Variants in NASP observed in about 807,000 individuals in gnomAD.
NASP encodes nuclear autoantigenic sperm protein, also known as NASP histone chaperone.
In NASP, 24 loss-of-function variants were observed where a neutral mutation model predicts 89.5. The ratio of observed to expected loss-of-function variants is 0.27; its 90% confidence interval spans 0.19 to 0.38. The LOEUF (loss-of-function observed/expected upper bound fraction) is 0.38. NASP is among the 10% of genes least tolerant of loss of function. NASP has a pLI of 1.00. For synonymous variants in NASP, 306 were observed against 324.7 expected (o/e 0.94, Z 0.62); for missense variants, 848 against 921.4 (o/e 0.92, Z 1.03).
chr1:45,607,634 A>G lies in NASP; in HGVS notation c.723A>G (p.Glu241=), dbSNP rs895593178. 1.2e-6 allele frequency: 2 copies of G among 1,614,096 alleles called. No homozygotes were observed. Among genetic ancestry groups the G allele is most frequent in the African/African-American group, 2.7e-5 (2 of 74,940 alleles). The change falls in exon 6 of 15, where the codon GAA becomes GAG. Residue 241 remains glutamate (E), a synonymous_variant. Transcript: ENST00000350030. ...KPEQEVPDAE[E]EKSVSGTDVQ... ...AACAGGAAGTACCAGATGCTGAGGAAGAAAAATCAGTTTCTGGAACTGATG... is the reference window on the plus strand; with the variant it reads ...AACAGGAAGTACCAGATGCTGAGGAGGAAAAATCAGTTTCTGGAACTGATG...
intron 2 of NASP, among the ~76,000 whole-genome samples, chr1:45,593,179 A>G (rs1257653524): frequency 6.6e-6 from 1 of 152,196 alleles, no homozygotes; most frequent in African/African-American, 2.4e-5. Context: ...GTTGTTGGCC[A>G]AAGATTCATT....
intron 2 of NASP, among the ~76,000 whole-genome samples, chr1:45,595,129 T>TTTTG (rs1423142685): frequency 1.4e-4 from 16 of 111,868 alleles, no homozygotes; most frequent in African/African-American, 5.2e-4. Context: ...AGACTAAGTT[T>TTTTG]TGTGTGTGTG....
chr1:45,584,135 CT>C lies in NASP; in HGVS notation c.-11del. On this transcript the variant is annotated 5_prime_UTR_variant, in exon 1 of 15. Coordinates refer to ENST00000350030, the MANE Select transcript of NASP (RefSeq NM_002482.4). Reference sequence around the variant, plus strand: ...TCTATTCCGTTCGCTGGTTCGCCACCTCAGGGGAACGATGGCCATGGAGTCC... The same window carrying C: ...TCTATTCCGTTCGCTGGTTCGCCACCCAGGGGAACGATGGCCATGGAGTCC... The C allele has an allele frequency of 6.3e-7, 1 of 1,588,330 alleles. No individual in the cohort carries two copies.
At chr1:45,594,923 G>C (rs1392437778) in intron 2 of NASP, 2 of 277,802 alleles carry the variant, frequency 7.2e-6, no homozygotes, top group Non-Finnish European at 1.5e-5. Context: ...TTTTAGTTTT[G>C]ATTGGCAGTT....
intron 6 of NASP, chr1:45,612,394 T>TAAACA (rs1644030850): frequency 6.6e-6 from 1 of 152,320 alleles, no homozygotes; most frequent in Admixed American, 6.5e-5. Context: ...ATGAGTTGTT[T>TAAACA]GTGTTAACAG....
In NASP at chr1:45,615,007, T is replaced by C. The variant is rs775274021; in HGVS notation, c.1667-6T>C. On this transcript the variant is annotated splice_region_variant and splice_polypyrimidine_tract_variant and intron_variant, in intron 9 of 14. Transcript: ENST00000350030. ...ATTTACTTGCTCTTCTTTTTCTCTT[T>C]GTTAGAAAACTATGTGCAAGCTGTG... 16 of 1,605,548 alleles carry C rather than the reference T, an allele frequency of 1.0e-5. No homozygotes were observed. Among genetic ancestry groups the C allele is most frequent in the Non-Finnish European group, 1.3e-5 (15 of 1,176,454 alleles).
intron 13 of NASP, 73 bp downstream of exon 13, chr1:45,616,776 C>T (rs1481454418): frequency 6.5e-6 from 9 of 1,378,338 alleles, no homozygotes; most frequent in Non-Finnish European, 9.3e-6. Context: ...CTATAAACCC[C>T]TCCCTATAGT....
rs1643910615 is a variant in NASP, at chr1:45,606,511, T to G, written c.329T>G (p.Leu110Trp). ...RMENGVLGNA[L>W]EGVHVEEEEG... ...GAGAATGGTGTGTTGGGAAACGCCTTGGAAGGTGTGCATGTGGAAGAGGAA... is the reference window on the plus strand; with the variant it reads ...GAGAATGGTGTGTTGGGAAACGCCTGGGAAGGTGTGCATGTGGAAGAGGAA... Residue 110 changes from leucine to tryptophan, a missense_variant, in exon 5 of 15, where the codon TTG becomes TGG. Transcript: ENST00000350030. 1.9e-6 allele frequency: 3 copies of G among 1,613,996 alleles called. No homozygotes were observed. The African/African-American group carries it at 4.0e-5, about 22-fold the overall frequency.
intron 1 of NASP, among the ~76,000 whole-genome samples, chr1:45,584,972 T>A (rs1277031620): frequency 6.6e-6 from 1 of 152,158 alleles, no homozygotes; most frequent in Non-Finnish European, 1.5e-5. Flanking sequence ...GGTGTCTGTT[T>A]GGGGGGAACA....
chr1:45,601,597 G>A (rs58692133), intron 2 of NASP, among the ~76,000 whole-genome samples: 27,981 of 151,782 alleles, frequency 0.18, 2,946 homozygotes, highest in Non-Finnish European at 0.24. Flanking sequence ...TTACCTAAAT[G>A]CTTCTTAATT....
At chr1:45,606,650 G>C (rs1252509256) in intron 5 of NASP, 59 bp downstream of exon 5, 3 of 1,227,034 alleles carry the variant, frequency 2.4e-6, no homozygotes, top group Non-Finnish European at 3.6e-6. Flanking sequence ...CTTGTATACA[G>C]TGGTGGAAAC....
chr1:45,591,651 T>A (rs1303213063), intron 2 of NASP, among the ~76,000 whole-genome samples: 1 of 152,058 alleles, frequency 6.6e-6, no homozygotes, highest in African/African-American at 2.4e-5. Context: ...ACCAGGCCCG[T>A]CTCACCTCCT....
At chr1:45,616,808 T>C in intron 13 of NASP, 105 bp downstream of exon 13, 1 of 1,082,516 alleles carries the variant, frequency 9.2e-7, no homozygotes, top group Non-Finnish European at 1.4e-6. Flanking sequence ...AGACACTTAT[T>C]TTCCAAAGGT....
At chr1:45,597,149 A>G (rs927751065) in intron 2 of NASP, among the ~76,000 whole-genome samples, 1 of 151,922 alleles carries the variant, frequency 6.6e-6, no homozygotes, top group Non-Finnish European at 1.5e-5. Context: ...TCTACTAAAA[A>G]TACAAAAATT....
At chr1:45,602,805 G>A (rs1320372666) in intron 3 of NASP, among the ~76,000 whole-genome samples, 1 of 152,132 alleles carries the variant, frequency 6.6e-6, no homozygotes, top group African/African-American at 2.4e-5. Context: ...ATTTCTTTTG[G>A]TAGAGATGGG....
chr1:45,607,923 G>A lies in NASP; in HGVS notation c.1012G>A (p.Val338Ile). ...AVLEQLVGQE[V>I]PPAEESPEVT... is the part of the protein sequence containing the mutation. ...TCTTGAACAACTGGTAGGTCAAGAA[G>A]TACCACCTGCTGAAGAGTCACCAGA... is the stretch of plus-strand genomic sequence containing the variant. The change falls in exon 6 of 15, where the codon GTA becomes ATA. Residue 338 changes from valine to isoleucine, a missense_variant. Coordinates refer to ENST00000350030, the MANE Select transcript of NASP (RefSeq NM_002482.4). 5.6e-6 allele frequency: 9 copies of A among 1,614,192 alleles called. No individual in the cohort carries two copies. The highest frequency in any genetic ancestry group is 7.6e-6 in the Non-Finnish European group (9 of 1,180,034).
At chr1:45,617,635 T>A in intron 14 of NASP, 44 bp downstream of exon 14, 1 of 1,531,786 alleles carries the variant, frequency 6.5e-7, no homozygotes. Context: ...CATTCCTTGT[T>A]CTCAGGACCT....
intron 14 of NASP, among the ~76,000 whole-genome samples, chr1:45,617,856 C>A (rs929745016): frequency 1.4e-4 from 21 of 152,214 alleles, no homozygotes; most frequent in African/African-American, 5.1e-4. Flanking sequence ...TAGGTCACTT[C>A]CTTCCACGTG....
Position 45,617,577 on chromosome 1 carries a change from A to G in NASP, c.2272A>G (p.Asn758Asp). The G allele has an allele frequency of 6.3e-7, 1 of 1,593,986 alleles. No homozygotes were observed. Among genetic ancestry groups the G allele is most frequent in the East Asian group, 2.2e-5 (1 of 44,742 alleles). Residue 758 changes from asparagine to aspartate, a missense_variant, in exon 14 of 15, where the codon AAC becomes GAC. Asn to Asp is a conservative substitution (Grantham distance 23). This residue lies in a region of NASP where 218 missense variants were observed against 219.6 expected (regional missense o/e 0.99). Transcript: ENST00000350030. ...AVPSGNEVSE[N>D]MEEEAENQAE... ...CCCCAGTGGAAATGAAGTTTCGGAA[A>G]ACATGGAGGAGGAGGTGGGCAGTTA...
Sources: gnomAD v4.1 joint callset for allele counts (sites outside exome capture counted in the v4.1 genomes callset) on GRCh38, gnomAD v4.1.1 for gene constraint, gnomAD v4.1.1 regional missense constraint, MANE v1.5 for transcripts, NCBI Gene and HGNC (gene_info 2026-07-23, HGNC 2026-07-21) for gene names.